The following MGAT4C variants were observed in gnomAD, a reference collection of about 807,000 sequenced individuals.
The protein encoded by MGAT4C is alpha-1,3-mannosyl-glycoprotein 4-beta-N-acetylglucosaminyltransferase C.
A neutral mutation model predicts 40.1 loss-of-function variants in MGAT4C; 19 were observed. The ratio of observed to expected loss-of-function variants is 0.47; its 90% CI spans 0.33 to 0.70. The LOEUF is 0.70. Among genes scored for constraint, MGAT4C ranks in the 30% least tolerant of loss-of-function variants. The probability of loss-of-function intolerance (pLI) is 0.02; values close to 1 mark genes in which losing one functional copy is unlikely to be tolerated. For missense variants in MGAT4C, 491 were observed against 563.2 expected (o/e 0.87, Z 1.30); for synonymous variants, 181 against 187.1 (o/e 0.97, Z 0.27).
intron 2 of MGAT4C, among the ~76,000 whole-genome samples, chr12:86,610,511 G>A (rs1962212387): frequency 6.6e-6 from 1 of 151,610 alleles, no homozygotes; most frequent in Admixed American, 6.6e-5. Context: ...CATTCTCCTG[G>A]AAGCAGACAC....
At chr12:86,277,881 T>G (rs962044263) in intron 4 of MGAT4C, among the ~76,000 whole-genome samples, 1 of 152,174 alleles carries the variant, frequency 6.6e-6, no homozygotes, top group Non-Finnish European at 1.5e-5. Flanking sequence ...TGTTCTGGGG[T>G]TTTTTGGGGT....
chr12:86,647,991 T>G (rs555427736), intron 2 of MGAT4C, among the ~76,000 whole-genome samples: 2 of 152,030 alleles, frequency 1.3e-5, no homozygotes, highest in East Asian at 1.9e-4. Context: ...AAAGGACATA[T>G]TTTTCTTGTT....
intron 2 of MGAT4C, among the ~76,000 whole-genome samples, chr12:86,626,940 G>C (rs1565891291): frequency 6.6e-6 from 1 of 152,220 alleles, no homozygotes; most frequent in Non-Finnish European, 1.5e-5. Context: ...GAAGTGCAAG[G>C]GGTTGGGGGA....
Position 86,044,535 on chromosome 12 carries a change from C to T in MGAT4C, c.-7+5139G>A, listed in dbSNP as rs114756190. Among the ~76,000 whole-genome samples, 1,139 of 152,144 alleles carry T rather than the reference C, an allele frequency of 7.5e-3. 14 individuals are homozygous for T. Among genetic ancestry groups the T allele is most frequent in the African/African-American group, 0.024 (1,011 of 41,518 alleles). ...GGCAAGGTCCACTCGCATGTGTGCA[C>T]GCTGGAAGGACAGTGGGGTGAGTGA... On this transcript the variant is annotated intron_variant, in intron 2 of 4. Transcript: ENST00000611864.
chr12:86,077,694 A>C (rs1165766171), intron 1 of MGAT4C, among the ~76,000 whole-genome samples: 1 of 152,142 alleles, frequency 6.6e-6, no homozygotes, highest in Non-Finnish European at 1.5e-5. Flanking sequence ...GAAGGGTCCA[A>C]GCCATTTGTA....
intron 4 of MGAT4C, among the ~76,000 whole-genome samples, chr12:86,311,099 G>A (rs1316338544): frequency 6.6e-6 from 1 of 152,220 alleles, no homozygotes; most frequent in Admixed American, 6.5e-5. Flanking sequence ...TTACAGTCAT[G>A]CATCACGTAA....
chr12:86,101,565 C>T (rs1244449995), intron 1 of MGAT4C, among the ~76,000 whole-genome samples: 1 of 151,770 alleles, frequency 6.6e-6, no homozygotes, highest in Non-Finnish European at 1.5e-5. Context: ...ATAGAGATTG[C>T]TAATTACACA....
At chr12:86,129,089 G>C (rs1880776327) in intron 1 of MGAT4C, among the ~76,000 whole-genome samples, 1 of 152,096 alleles carries the variant, frequency 6.6e-6, no homozygotes. Flanking sequence ...CTTTGGTGCA[G>C]AATAATTAAG....
intron 2 of MGAT4C, among the ~76,000 whole-genome samples, chr12:86,673,587 G>A (rs776474553): frequency 1.4e-4 from 21 of 151,734 alleles, no homozygotes; most frequent in South Asian, 2.1e-4. Context: ...ATAACTAATC[G>A]CGTAATTTTG....
At chr12:86,395,867 C>T (rs1050840594) in intron 3 of MGAT4C, among the ~76,000 whole-genome samples, 1 of 151,996 alleles carries the variant, frequency 6.6e-6, no homozygotes, top group African/African-American at 2.4e-5. Context: ...AAAAATAATT[C>T]AATTAGTACC....
At chr12:86,226,821 T>G (rs1951100605) in intron 1 of MGAT4C, among the ~76,000 whole-genome samples, 1 of 152,088 alleles carries the variant, frequency 6.6e-6, no homozygotes, top group East Asian at 1.9e-4. Context: ...TCTACTATAA[T>G]GTCCATATCA....
intron 1 of MGAT4C, among the ~76,000 whole-genome samples, chr12:86,125,253 G>T (rs992718314): frequency 1.3e-5 from 2 of 152,130 alleles, no homozygotes; most frequent in African/African-American, 4.8e-5. Flanking sequence ...ATCAAGCAGG[G>T]ATTACTCCAT....
chr12:86,040,713 G>C (rs1891729732), intron 2 of MGAT4C, among the ~76,000 whole-genome samples: 3 of 145,796 alleles, frequency 2.1e-5, no homozygotes, highest in African/African-American at 7.8e-5. Context: ...CTGGGGTATG[G>C]AGAAAAAACA....
chr12:86,390,011 T>C (rs1956135608), intron 3 of MGAT4C, among the ~76,000 whole-genome samples: 3 of 152,340 alleles, frequency 2.0e-5, no homozygotes, highest in African/African-American at 7.2e-5. Flanking sequence ...GGATCCTTTC[T>C]TAGAGAGCAT....
chr12:86,228,582 T>C (rs1951189460), intron 1 of MGAT4C, among the ~76,000 whole-genome samples: 1 of 151,826 alleles, frequency 6.6e-6, no homozygotes, highest in South Asian at 2.1e-4. Flanking sequence ...TTTACAGAAT[T>C]TTTCTGCACT....
chr12:86,176,576 A>G (rs915686873), intron 1 of MGAT4C, among the ~76,000 whole-genome samples: 16 of 152,048 alleles, frequency 1.1e-4, no homozygotes, highest in African/African-American at 3.6e-4. Flanking sequence ...CATAAAGTAA[A>G]ATATGTACAT....
chr12:86,580,343 T>C (rs1304917430), intron 2 of MGAT4C, among the ~76,000 whole-genome samples: 1 of 151,526 alleles, frequency 6.6e-6, no homozygotes, highest in Non-Finnish European at 1.5e-5. Context: ...CTCTCTAGAT[T>C]GCTAGCTTGA....
At chr12:86,689,235 A>C (rs1950130353) in intron 2 of MGAT4C, among the ~76,000 whole-genome samples, 1 of 152,166 alleles carries the variant, frequency 6.6e-6, no homozygotes, top group Non-Finnish European at 1.5e-5. Context: ...TCTAGTTAGC[A>C]GTTCCTGTAA....
chr12:86,446,680 T>TATATATATATATATAC (rs1470680602), intron 2 of MGAT4C, among the ~76,000 whole-genome samples: 33 of 120,122 alleles, frequency 2.7e-4, no homozygotes, highest in Middle Eastern at 4.2e-3. Flanking sequence ...TATATATATA[T>TATATATATATATATAC]ATATATATAT....
Sources: gnomAD v4.1 joint callset for allele counts (sites outside exome capture counted in the v4.1 genomes callset) on GRCh38, gnomAD v4.1.1 for gene constraint, MANE v1.5 for transcripts, NCBI Gene and HGNC (gene_info 2026-07-23, HGNC 2026-07-21) for gene names.